Variants in ABCA5 observed in about 807,000 individuals in gnomAD.
ABCA5 encodes cholesterol transporter ABCA5.
A neutral mutation model predicts 206.0 loss-of-function variants in ABCA5; 163 were observed. The ratio of observed to expected loss-of-function variants is 0.79; its 90% CI spans 0.70 to 0.90. The LOEUF (loss-of-function observed/expected upper bound fraction) is 0.90, where lower values mean the gene tolerates loss of function less well. Ranked by LOEUF, ABCA5 falls within the 40% of genes least tolerant of loss-of-function variation. The pLI, the probability that ABCA5 is intolerant of heterozygous loss-of-function variation, is 0.00. For synonymous variants in ABCA5, 609 were observed against 613.8 expected (o/e 0.99, Z 0.11); for missense variants, 1,859 against 1,912.9 (o/e 0.97, Z 0.53).
chr17:69,285,250 G>T (rs1276223912), intron 17 of ABCA5: 1 of 152,140 alleles, frequency 6.6e-6, no homozygotes, highest in Non-Finnish European at 1.5e-5. Context: ...GGTATAAGTA[G>T]ATAGAATGAT....
At chr17:69,275,945 A>T (rs1215100863) in intron 19 of ABCA5, among the ~76,000 whole-genome samples, 7 of 152,218 alleles carry the variant, frequency 4.6e-5, no homozygotes, top group Admixed American at 4.6e-4. Flanking sequence ...AGCCAGGAAG[A>T]CAGCCATCAC....
intron 24 of ABCA5, among the ~76,000 whole-genome samples, chr17:69,263,724 T>C (rs1184399483): frequency 1.9e-5 from 2 of 106,692 alleles, no homozygotes; most frequent in African/African-American, 6.4e-5. Flanking sequence ...TGATAAAAAG[T>C]CTCTCTCTGT....
intron 34 of ABCA5, among the ~76,000 whole-genome samples, chr17:69,252,760 C>T (rs984551151): frequency 6.7e-6 from 1 of 150,208 alleles, no homozygotes; most frequent in Non-Finnish European, 1.5e-5. Context: ...TCGCTTCAGC[C>T]TGGGAAGCAG....
In ABCA5 at chr17:69,251,932, A is replaced by C; in HGVS notation, c.4416-66T>G. On this transcript the variant is annotated intron_variant, in intron 34 of 38. Transcript: ENST00000392676. ...GTTTGTTAAAAAAAAATGGGTTTTT[A>C]AAAATCCAACCGGTTGGTTAATTAA... The C allele has an allele frequency of 3.2e-6, 5 of 1,570,564 alleles. No homozygotes were observed. The East Asian group carries it at 1.1e-4, about 36-fold the overall frequency.
At chr17:69,304,004 T>A (rs2075689883) in intron 7 of ABCA5, 1 of 149,262 alleles carries the variant, frequency 6.7e-6, no homozygotes, top group Admixed American at 6.7e-5. Flanking sequence ...AGTGTGCCAC[T>A]GCACTCCAGC....
At chr17:69,264,187 A>G (rs1365466126) in intron 24 of ABCA5, among the ~76,000 whole-genome samples, 1 of 151,940 alleles carries the variant, frequency 6.6e-6, no homozygotes, top group Non-Finnish European at 1.5e-5. Context: ...ATTTTTTTCC[A>G]TTTGCTTGTA....
chr17:69,274,088 T>C lies in ABCA5; in HGVS notation c.2635A>G (p.Met879Val), dbSNP rs1332686324. 2 of 1,580,888 alleles carry C rather than the reference T, an allele frequency of 1.3e-6. No homozygotes were observed. The highest frequency in any genetic ancestry group is 8.6e-7 in the Non-Finnish European group (1 of 1,168,098). ...LLIFFTVQIF[M>V]FLVHHSFKNA... is the part of the protein sequence containing the mutation. The stretch of plus-strand genomic sequence containing the variant: ...TTAAAAGAGTGATGAACCAAAAACA[T>C]AAAAATCTGAACTGTGAAAAAAATT... The change falls in exon 20 of 39, where the codon ATG becomes GTG. Residue 879 changes from methionine to valine, a missense_variant. Coordinates refer to ENST00000392676, the MANE Select transcript of ABCA5 (RefSeq NM_172232.4).
At chr17:69,281,055 T>C (rs377107668) in intron 18 of ABCA5, among the ~76,000 whole-genome samples, 2 of 140,214 alleles carry the variant, frequency 1.4e-5, no homozygotes, top group Admixed American at 1.4e-4. Context: ...TAAAAATAAA[T>C]AAATAAAAAA....
At chr17:69,264,666 CATGTTT>C (rs2075188104) in intron 24 of ABCA5, 63 bp downstream of exon 24, 2 of 1,124,896 alleles carry the variant, frequency 1.8e-6, no homozygotes, top group African/African-American at 3.2e-5. Flanking sequence ...AGTCAACTGT[CATGTTT>C]ATAACAGATT....
chr17:69,316,752 C>T (rs2075820485), intron 1 of ABCA5: 1 of 152,014 alleles, frequency 6.6e-6, no homozygotes, highest in Admixed American at 6.6e-5. Flanking sequence ...ATTAAGACAA[C>T]AAAAAATCTT....
chr17:69,250,765 C>T (rs891308104), intron 35 of ABCA5, 144 bp from the exon 36 acceptor site: 1 of 479,834 alleles, frequency 2.1e-6, no homozygotes, highest in African/African-American at 2.0e-5. Context: ...CCCATACACT[C>T]TTTATCCGGT....
At chr17:69,271,521 TGTAAAGTGG>T (rs2075273994) in intron 20 of ABCA5, among the ~76,000 whole-genome samples, 1 of 152,204 alleles carries the variant, frequency 6.6e-6, no homozygotes, top group Non-Finnish European at 1.5e-5. Context: ...TTCCCTCTTT[TGTAAAGTGG>T]GTAAAATAAG....
At chr17:69,281,948 T>G (rs1303150789) in intron 18 of ABCA5, among the ~76,000 whole-genome samples, 1 of 152,178 alleles carries the variant, frequency 6.6e-6, no homozygotes, top group African/African-American at 2.4e-5. Flanking sequence ...TGAACTAACA[T>G]CCTGGTTTCC....
intron 6 of ABCA5, among the ~76,000 whole-genome samples, chr17:69,306,524 C>T (rs1165939794): frequency 6.6e-6 from 1 of 152,012 alleles, no homozygotes; most frequent in African/African-American, 2.4e-5. Context: ...CTTTGACATT[C>T]TTCATCCCTT....
intron 27 of ABCA5, 46 bp downstream of exon 27, chr17:69,260,292 C>A (rs748528750): frequency 9.4e-6 from 13 of 1,387,074 alleles, no homozygotes; most frequent in South Asian, 1.3e-5. Flanking sequence ...AGGACCAAAC[C>A]ATTCTTAAGG....
intron 12 of ABCA5, among the ~76,000 whole-genome samples, chr17:69,290,759 C>A (rs752700487): frequency 4.6e-5 from 7 of 151,982 alleles, no homozygotes; most frequent in Non-Finnish European, 1.0e-4. Flanking sequence ...TCTCACCTAC[C>A]AAACAATCAC....
Position 69,250,565 on chromosome 17 carries a change from T to C in ABCA5, c.4592A>G (p.Glu1531Gly). 6.2e-7 allele frequency: 1 copy of C among 1,602,812 alleles called. No individual in the cohort carries two copies. The highest frequency in any genetic ancestry group is 1.3e-5 in the African/African-American group (1 of 74,196). The change falls in exon 36 of 39, where the codon GAA (glutamate) becomes GGA (glycine). Residue 1531 changes from glutamate to glycine, a missense_variant. Physicochemically the swap from Glu to Gly is moderately conservative, Grantham distance 98. Coordinates refer to ENST00000392676, the MANE Select transcript of ABCA5 (RefSeq NM_172232.4). ...KSKFGKGYFL[E>G]IKLKDWIENL... ...TTCTATCCAGTCCTTCAATTTAATT[T>C]CCAAAAAGTAGCCTTTTCCAAATTT...
chr17:69,269,386 C>T (rs1598162111), intron 22 of ABCA5, among the ~76,000 whole-genome samples: 1 of 152,058 alleles, frequency 6.6e-6, no homozygotes, highest in East Asian at 1.9e-4. Context: ...GTAGGTGGTT[C>T]GTTTTCTGTA....
At chr17:69,259,612 G>T in intron 28 of ABCA5, 94 bp downstream of exon 28, 1 of 816,262 alleles carries the variant, frequency 1.2e-6, no homozygotes, top group Non-Finnish European at 1.9e-6. Flanking sequence ...TCTTTTTGGA[G>T]TGCTGGAAAT....
Sources: gnomAD v4.1 joint callset for allele counts (sites outside exome capture counted in the v4.1 genomes callset) on GRCh38, gnomAD v4.1.1 for gene constraint, MANE v1.5 for transcripts, NCBI Gene and HGNC (gene_info 2026-07-23, HGNC 2026-07-21) for gene names.